The following KCNK12 variants were observed in gnomAD, a reference collection of about 807,000 sequenced individuals.
KCNK12 encodes potassium channel subfamily K member 12.
In KCNK12, 6 loss-of-function variants were observed where a neutral mutation model predicts 25.3. The ratio of observed to expected loss-of-function variants is 0.24; its 90% CI spans 0.13 to 0.47. The LOEUF (loss-of-function observed/expected upper bound fraction) is 0.47. KCNK12 is among the 20% of genes least tolerant of loss of function. The probability of loss-of-function intolerance (pLI) is 0.99; values close to 1 mark genes in which losing one functional copy is unlikely to be tolerated. For synonymous variants in KCNK12, 331 were observed against 311.1 expected, an observed-to-expected ratio of 1.06 and a Z score of -0.67; for missense variants, 444 against 661.7, an observed-to-expected ratio of 0.67 and a Z score of 3.61.
chr2:47,521,854 GTCCTCACTGGGCGAGGGT>G, intron 1 of KCNK12, 46 bp from the exon 2 acceptor site: 1 of 1,456,160 alleles, frequency 6.9e-7, no homozygotes, highest in South Asian at 1.5e-5. Context: ...CGCGCAGGTG[GTCCTCACTGGGCGAGGGT>G]GGGGGGTGTG....
chr2:47,513,587 T>C lies in KCNK12; in HGVS notation c.*7320A>G, dbSNP rs949273836. Among the ~76,000 whole-genome samples, 7 of 152,202 alleles carry C rather than the reference T, an allele frequency of 4.6e-5. No homozygotes were observed. Among genetic ancestry groups the C allele is most frequent in the Non-Finnish European group, 1.0e-4 (7 of 68,028 alleles). ...AAAATGTTGGTCTAGCCTGGGTCAT[T>C]GTTATGAGCTCTAGACTCACAAGGC... On this transcript the variant is annotated 3_prime_UTR_variant, in exon 2 of 2. Coordinates refer to ENST00000327876, the MANE Select transcript of KCNK12 (RefSeq NM_022055.2).
chr2:47,549,688 C>T (rs368695701), intron 1 of KCNK12, among the ~76,000 whole-genome samples: 5 of 152,140 alleles, frequency 3.3e-5, no homozygotes, highest in African/African-American at 1.2e-4. Flanking sequence ...GTAATCCCAG[C>T]ACTTTGGGAG....
Position 47,556,103 on chromosome 2 carries a change from T to C in KCNK12, c.391+13838A>G, listed in dbSNP as rs193276100. 1.2e-4 allele frequency among the ~76,000 whole-genome samples: 19 copies of C among 152,264 alleles called. No homozygotes were observed. Among genetic ancestry groups the C allele is most frequent in the Non-Finnish European group, 2.8e-4 (19 of 68,014 alleles). ...TGACTACTCTTCTCAGAAGCTTTCC[T>C]GTAAAGGAGGGCAGAGAAATGGGAA... On this transcript the variant is annotated intron_variant, in intron 1 of 1. Coordinates refer to ENST00000327876, the MANE Select transcript of KCNK12 (RefSeq NM_022055.2). The surrounding 1 kb of genome is among the most constrained non-coding windows in gnomAD (Gnocchi z 4.8).
Position 47,515,954 on chromosome 2 carries a change from A to G in KCNK12, c.*4953T>C, listed in dbSNP as rs904527621. 4.6e-5 allele frequency among the ~76,000 whole-genome samples: 7 copies of G among 152,122 alleles called. No individual in the cohort carries two copies. Among genetic ancestry groups the G allele is most frequent in the Non-Finnish European group, 5.9e-5 (4 of 68,034 alleles). Reference sequence around the variant, plus strand: ...ATGAAATGCCTCTTATAATTGTGACATCTTGCAATTGTGGAGGACTTTACA... The same window carrying G: ...ATGAAATGCCTCTTATAATTGTGACGTCTTGCAATTGTGGAGGACTTTACA... On this transcript the variant is annotated 3_prime_UTR_variant, in exon 2 of 2. Transcript: ENST00000327876.
chr2:47,543,587 G>T (rs1251386904), intron 1 of KCNK12: 1 of 152,276 alleles, frequency 6.6e-6, no homozygotes, highest in African/African-American at 2.4e-5. Flanking sequence ...GGGTGCTCCT[G>T]TTCTGTGGCA....
Position 47,556,662 on chromosome 2 carries a change from G to C in KCNK12, c.391+13279C>G, listed in dbSNP as rs897448664. ...GATAGGGGTACAACATAGGGAGAGAGGGGCAAGGAAGTTAAGGGTCTCTGA... is the reference window on the plus strand; with the variant it reads ...GATAGGGGTACAACATAGGGAGAGACGGGCAAGGAAGTTAAGGGTCTCTGA... On this transcript the variant is annotated intron_variant, in intron 1 of 1. Coordinates refer to ENST00000327876, the MANE Select transcript of KCNK12 (RefSeq NM_022055.2). The surrounding 1 kb of genome is among the most constrained non-coding windows in gnomAD (Gnocchi z 4.8). 6.6e-6 allele frequency among the ~76,000 whole-genome samples: 1 copy of C among 152,172 alleles called. No homozygotes were observed. Among genetic ancestry groups the C allele is most frequent in the Admixed American group, 6.5e-5 (1 of 15,278 alleles).
In KCNK12 at chr2:47,512,190, G is replaced by A; in HGVS notation, c.*8717C>T. On this transcript the variant is annotated 3_prime_UTR_variant, in exon 2 of 2. Coordinates refer to ENST00000327876, the MANE Select transcript of KCNK12 (RefSeq NM_022055.2). ...CCCAGTCCATGGAGAAAAAAGAATT[G>A]AACAAACTGTCTAAGCTGGGTCAGG... 7.7e-7 allele frequency: 1 copy of A among 1,302,592 alleles called. No individual in the cohort carries two copies. Among genetic ancestry groups the A allele is most frequent in the East Asian group, 2.5e-5 (1 of 40,246 alleles). 80.7% of individuals were successfully genotyped at this position (1,302,592 alleles called of 1,614,324 possible). A position where few individuals can be genotyped will look rare whatever the true frequency, so the allele number is the denominator to read the frequency against.
Position 47,547,981 on chromosome 2 carries a change from T to G in KCNK12, c.391+21960A>C, listed in dbSNP as rs1437349396. Among the ~76,000 whole-genome samples the G allele has an allele frequency of 6.6e-6, 1 of 152,112 alleles. No homozygotes were observed. The highest frequency in any genetic ancestry group is 1.9e-4 in the East Asian group (1 of 5,192). On this transcript the variant is annotated intron_variant, in intron 1 of 1. Transcript: ENST00000327876. This position sits in a 1 kb window ranked among gnomAD's most constrained non-coding sequence, Gnocchi z 5.0. ...GGAACATGGGGGTGGATTTCCCCCT[T>G]GCCGTTCTCATGATAGTAAGTTCTC... is the stretch of plus-strand genomic sequence containing the variant.
chr2:47,512,176 G>A lies in KCNK12; in HGVS notation c.*8731C>T, dbSNP rs1668418102. On this transcript the variant is annotated 3_prime_UTR_variant, in exon 2 of 2. Coordinates refer to ENST00000327876, the MANE Select transcript of KCNK12 (RefSeq NM_022055.2). ...CTGGTCCTGCTCCTCCCAGTCCATG[G>A]AGAAAAAAGAATTGAACAAACTGTC... 4 of 1,159,438 alleles carry A rather than the reference G, an allele frequency of 3.4e-6. No homozygotes were observed. Among genetic ancestry groups the A allele is most frequent in the Non-Finnish European group, 4.8e-6 (4 of 837,950 alleles). The allele number at this position is 1,159,438 out of a possible 1,614,324, so 71.8% of individuals were successfully genotyped here.
rs1016560217 is a variant in KCNK12 at position 47,560,898 on chromosome 2, C to T, written c.391+9043G>A. On this transcript the variant is annotated intron_variant, in intron 1 of 1. Transcript: ENST00000327876. This position sits in a 1 kb window ranked among gnomAD's most constrained non-coding sequence, Gnocchi z 4.7. ...GGCCTCCCCTGGCCCCAGATCCTGT[C>T]CTGCTCCGGGAGGCTTCTGCCTGGG... 2.6e-5 allele frequency among the ~76,000 whole-genome samples: 4 copies of T among 152,176 alleles called. No homozygotes were observed. Among genetic ancestry groups the T allele is most frequent in the African/African-American group, 9.7e-5 (4 of 41,440 alleles).
intron 1 of KCNK12, among the ~76,000 whole-genome samples, chr2:47,552,201 T>C (rs575809972): frequency 6.6e-6 from 1 of 152,238 alleles, no homozygotes; most frequent in African/African-American, 2.4e-5. Flanking sequence ...AAAAATGCTA[T>C]GAATTAAGGT....
intron 1 of KCNK12, among the ~76,000 whole-genome samples, chr2:47,532,735 G>A (rs1668961961): frequency 6.6e-6 from 1 of 152,172 alleles, no homozygotes; most frequent in African/African-American, 2.4e-5. Flanking sequence ...GCACTTTTAG[G>A]TGCCAGCATC....
At chr2:47,539,343 A>G (rs1481112572) in intron 1 of KCNK12, among the ~76,000 whole-genome samples, 1 of 152,224 alleles carries the variant, frequency 6.6e-6, no homozygotes, top group Non-Finnish European at 1.5e-5. Context: ...TATGCTCTCA[A>G]TCAAGGACTG....
rs1668979539 is a variant in KCNK12, at chr2:47,533,390, T to C, written c.392-11582A>G. ...CATGCATCCCACAGTGCCCGGGACA[T>C]AGTAAGCTCCCCAAAAGCACCAAGC... is the stretch of plus-strand genomic sequence containing the variant. On this transcript the variant is annotated intron_variant, in intron 1 of 1. Coordinates refer to ENST00000327876, the MANE Select transcript of KCNK12 (RefSeq NM_022055.2). This position sits in a 1 kb window ranked among gnomAD's most constrained non-coding sequence, Gnocchi z 4.7. Among the ~76,000 whole-genome samples the C allele has an allele frequency of 1.3e-5, 2 of 152,160 alleles. No individual in the cohort carries two copies. The highest frequency in any genetic ancestry group is 4.1e-4 in the South Asian group (2 of 4,832).
intron 1 of KCNK12, among the ~76,000 whole-genome samples, chr2:47,532,120 C>T (rs1668945677): frequency 6.6e-6 from 1 of 151,968 alleles, no homozygotes; most frequent in South Asian, 2.1e-4. Context: ...GTGTAGCAGG[C>T]TGTCATAGGC....
Position 47,533,005 on chromosome 2 carries a change from CTTAT to C in KCNK12, c.392-11201_392-11198del, listed in dbSNP as rs1051116939. Among the ~76,000 whole-genome samples, 5 of 151,960 alleles carry C rather than the reference CTTAT, an allele frequency of 3.3e-5. No homozygotes were observed. The highest frequency in any genetic ancestry group is 6.6e-5 in the Admixed American group (1 of 15,248). On this transcript the variant is annotated intron_variant, in intron 1 of 1. Coordinates refer to ENST00000327876, the MANE Select transcript of KCNK12 (RefSeq NM_022055.2). The surrounding 1 kb of genome is among the most constrained non-coding windows in gnomAD (Gnocchi z 4.7). ...CCTCTAAAAATGGCCCAATGCCCTA[CTTAT>C]TTATTTATTTTTTATTTTTTTGAGA...
Position 47,521,038 on chromosome 2 carries a change from G to C in KCNK12, c.1162C>G (p.Gln388Glu), listed in dbSNP as rs1668641379. 1 of 1,398,722 alleles carries C rather than the reference G, an allele frequency of 7.1e-7. No homozygotes were observed. The highest frequency in any genetic ancestry group is 3.1e-5 in the East Asian group (1 of 32,558). 86.6% of individuals were successfully genotyped at this position (1,398,722 alleles called of 1,614,324 possible). Residue 388 changes from glutamine (Q) to glutamate (E), a missense_variant, in exon 2 of 2, where the codon CAG (glutamine) becomes GAG (glutamate). Around this residue, in one of 8 missense-constraint regions of KCNK12, gnomAD observed 57 missense variants for 68.9 expected, o/e 0.83. Coordinates refer to ENST00000327876, the MANE Select transcript of KCNK12 (RefSeq NM_022055.2). ...NKVSLALLQK[Q>E]LSETANGYPR... ...TAGCCGTTGGCCGTCTCCGACAGCT[G>C]CTTCTGCAGCAGCGCCAGCGACACC...
chr2:47,521,881 T>TGGGGGGGGGGGGGGGGTGG, intron 1 of KCNK12, 73 bp from the exon 2 acceptor site: 4 of 212,176 alleles, frequency 1.9e-5, no homozygotes, highest in Admixed American at 1.2e-4. Context: ...GTGGGGGGTG[T>TGGGGGGGGGGGGGGGGTGG]GGGGGCGGGG....
At chr2:47,568,955 GC>G (rs958515677) in intron 1 of KCNK12, among the ~76,000 whole-genome samples, 2 of 151,978 alleles carry the variant, frequency 1.3e-5, no homozygotes, top group African/African-American at 4.8e-5. Flanking sequence ...GACACCCAGG[GC>G]CCAGGGAAAG....
Sources: allele counts gnomAD v4.1 joint callset (sites outside exome capture counted in the v4.1 genomes callset), GRCh38; gene constraint gnomAD v4.1.1; regional missense constraint gnomAD v4.1.1; non-coding constraint Gnocchi (gnomAD v3.1); transcripts MANE v1.5; gene names NCBI Gene and HGNC (gene_info 2026-07-23, HGNC 2026-07-21).